The following LYPLAL1 variants were observed in gnomAD, a reference collection of about 807,000 sequenced individuals.
LYPLAL1 encodes the protein lysophospholipase like 1.
A neutral mutation model predicts 19.7 loss-of-function variants in LYPLAL1; 23 were observed. The ratio of observed to expected loss-of-function variants is 1.17; its 90% CI spans 0.84 to 1.65. The LOEUF (loss-of-function observed/expected upper bound fraction) is 1.65. Ranked by LOEUF, LYPLAL1 falls within the 40% of genes most tolerant of loss-of-function variation. The probability of loss-of-function intolerance (pLI) is 0.00; values close to 1 mark genes in which losing one functional copy is unlikely to be tolerated. For synonymous variants in LYPLAL1, 119 were observed against 96.3 expected (o/e 1.24, Z -1.38); for missense variants, 355 against 279.4 (o/e 1.27, Z -1.93).
At chr1:219,253,713 G>A in the LYPLAL1 span, among the ~76,000 whole-genome samples, 1 of 152,028 alleles carries the variant, frequency 6.6e-6, no homozygotes, top group Non-Finnish European at 1.5e-5. Flanking sequence ...GTTCGTTTTA[G>A]AGTATGTGCC....
chr1:219,373,863 C>CAAAAAAAAAAAAAAAAAAAAAAAAAAA, the LYPLAL1 span, among the ~76,000 whole-genome samples: 1 of 102,216 alleles, frequency 9.8e-6, no homozygotes, highest in Non-Finnish European at 2.0e-5. Flanking sequence ...ATAAAATTGT[C>CAAAAAAAAAAAAAAAAAAAAAAAAAAA]AAAAAAAAAA....
the LYPLAL1 span, among the ~76,000 whole-genome samples, chr1:219,310,556 C>T: frequency 6.6e-6 from 1 of 152,142 alleles, no homozygotes; most frequent in Non-Finnish European, 1.5e-5. Flanking sequence ...TGGAGCCTGC[C>T]CTTATCTCAC....
chr1:219,254,683 T>C, the LYPLAL1 span, among the ~76,000 whole-genome samples: 13 of 152,002 alleles, frequency 8.6e-5, no homozygotes, highest in Admixed American at 4.6e-4. Flanking sequence ...GTAAGTAACC[T>C]GCCCTTTCTG....
At chr1:219,383,619 A>G in the LYPLAL1 span, among the ~76,000 whole-genome samples, 7 of 152,362 alleles carry the variant, frequency 4.6e-5, no homozygotes, top group South Asian at 1.5e-3. Flanking sequence ...AGTTCACCAT[A>G]ACATTATATT....
At chr1:219,419,626 A>C in the LYPLAL1 span, among the ~76,000 whole-genome samples, 1 of 137,936 alleles carries the variant, frequency 7.2e-6, no homozygotes. Context: ...AATGTGCTTT[A>C]GCTTCCACAT....
the LYPLAL1 span, among the ~76,000 whole-genome samples, chr1:219,315,418 T>C: frequency 6.6e-6 from 1 of 152,084 alleles, no homozygotes. Context: ...AAACTCCTCA[T>C]AAAAAGCTCT....
the LYPLAL1 span, among the ~76,000 whole-genome samples, chr1:219,374,442 T>C: frequency 1.3e-5 from 2 of 152,066 alleles, no homozygotes; most frequent in Non-Finnish European, 2.9e-5. Flanking sequence ...CAAAGAGTGA[T>C]ATTTGATCTT....
At chr1:219,401,482 T>C in the LYPLAL1 span, among the ~76,000 whole-genome samples, 1 of 151,704 alleles carries the variant, frequency 6.6e-6, no homozygotes, top group African/African-American at 2.4e-5. Flanking sequence ...TTTTTCTATT[T>C]GATATCTATT....
the LYPLAL1 span, among the ~76,000 whole-genome samples, chr1:219,400,399 T>C: frequency 5.9e-5 from 9 of 152,204 alleles, no homozygotes; most frequent in East Asian, 1.4e-3. Context: ...GCAAATATCA[T>C]CAATAAGAAA....
At chr1:219,296,012 C>T in the LYPLAL1 span, among the ~76,000 whole-genome samples, 3 of 152,120 alleles carry the variant, frequency 2.0e-5, no homozygotes, top group Admixed American at 6.5e-5. Context: ...TGCCTTTTCC[C>T]TCATTTCTCT....
the LYPLAL1 span, among the ~76,000 whole-genome samples, chr1:219,251,610 GCT>G: frequency 6.6e-6 from 1 of 151,968 alleles, no homozygotes; most frequent in East Asian, 1.9e-4. Flanking sequence ...TTATTTCGGG[GCT>G]CTCTATTCTG....
the LYPLAL1 span, among the ~76,000 whole-genome samples, chr1:219,250,895 T>C: frequency 2.0e-5 from 3 of 152,082 alleles, no homozygotes; most frequent in Admixed American, 2.0e-4. Context: ...CTTTCCACAA[T>C]GGTTGAACGA....
chr1:219,441,570 T>C, the LYPLAL1 span, among the ~76,000 whole-genome samples: 1 of 152,166 alleles, frequency 6.6e-6, no homozygotes, highest in Non-Finnish European at 1.5e-5. Flanking sequence ...AAAAAGATAT[T>C]GAATAGCTAA....
chr1:219,440,012 T>TAC, the LYPLAL1 span, among the ~76,000 whole-genome samples: 18 of 100,892 alleles, frequency 1.8e-4, no homozygotes, highest in East Asian at 9.8e-4. Flanking sequence ...TATATATATA[T>TAC]ACACACACAC....
At chr1:219,386,899 A>G in the LYPLAL1 span, among the ~76,000 whole-genome samples, 1 of 152,182 alleles carries the variant, frequency 6.6e-6, no homozygotes, top group Admixed American at 6.5e-5. Context: ...TTTAACCATC[A>G]TCACTAGCCT....
the LYPLAL1 span, among the ~76,000 whole-genome samples, chr1:219,324,901 G>T: frequency 5.9e-5 from 9 of 152,162 alleles, no homozygotes; most frequent in Non-Finnish European, 1.3e-4. Flanking sequence ...CTATAGCAAA[G>T]CTCCTTGGCT....
At chr1:219,308,787 G>A in the LYPLAL1 span, among the ~76,000 whole-genome samples, 1 of 152,202 alleles carries the variant, frequency 6.6e-6, no homozygotes, top group African/African-American at 2.4e-5. Flanking sequence ...GCAGGAGTAG[G>A]GCTCTCACAG....
At chr1:219,331,986 A>G in the LYPLAL1 span, among the ~76,000 whole-genome samples, 1 of 152,160 alleles carries the variant, frequency 6.6e-6, no homozygotes, top group Non-Finnish European at 1.5e-5. Flanking sequence ...AATAGTTACT[A>G]TTTGTGGTAA....
At chr1:219,254,087 A>G in the LYPLAL1 span, among the ~76,000 whole-genome samples, 3 of 151,988 alleles carry the variant, frequency 2.0e-5, no homozygotes, top group African/African-American at 7.2e-5. Flanking sequence ...TTTGTCTGAA[A>G]TTAAGATCGC....
Sources: allele counts gnomAD v4.1 joint callset (sites outside exome capture counted in the v4.1 genomes callset), GRCh38; gene constraint gnomAD v4.1.1; transcripts MANE v1.5; gene names NCBI Gene and HGNC (gene_info 2026-07-23, HGNC 2026-07-21).